TRANK1: variants seen among roughly 807,000 people sequenced by gnomAD.
TRANK1 encodes the protein TPR and ankyrin repeat-containing protein 1.
TRANK1 carries 198 observed loss-of-function variants against 266.0 expected under a neutral mutation model. The ratio of observed to expected loss-of-function variants is 0.74; its 90% CI spans 0.66 to 0.84. TRANK1 has a LOEUF of 0.84. Among genes scored for constraint, TRANK1 ranks in the 40% least tolerant of loss-of-function variants. The pLI is 0.00. For missense variants in TRANK1, 3,326 were observed against 3,634.6 expected, an observed-to-expected ratio of 0.92 and a Z score of 2.18; for synonymous variants, 1,396 against 1,384.1, an observed-to-expected ratio of 1.01 and a Z score of -0.19.
intron 17 of TRANK1, among the ~76,000 whole-genome samples, chr3:36,843,154 T>C (rs765489570): frequency 6.6e-6 from 1 of 152,178 alleles, no homozygotes; most frequent in Non-Finnish European, 1.5e-5. Context: ...TATTCTGTTA[T>C]GGCAGTCAGA....
chr3:36,906,716 C>A (rs190028405), intron 2 of TRANK1, among the ~76,000 whole-genome samples: 30 of 152,300 alleles, frequency 2.0e-4, no homozygotes, highest in Non-Finnish European at 3.7e-4. Flanking sequence ...AGAATACACA[C>A]CGCCACTCAA....
At position 36,861,150 on chromosome 3, in the gene TRANK1, A is replaced by C. The variant is rs1559436378; in HGVS notation, c.1251T>G (p.Pro417=). Residue 417 remains proline (P), a synonymous_variant, in exon 11 of 24, where the codon CCT becomes CCG. Transcript: ENST00000645898. ...CTTGATTAATATCACAGACCAGGTC[A>C]GGAGGAATTTCTTTCAAAAATAAGA... ...RLLSTLQEIP[P]DLVCDINQDC... The C allele has an allele frequency of 3.3e-6, 5 of 1,536,316 alleles. No individual in the cohort carries two copies. Among genetic ancestry groups the C allele is most frequent in the Non-Finnish European group, 4.4e-6 (5 of 1,146,254 alleles).
intron 8 of TRANK1, among the ~76,000 whole-genome samples, chr3:36,889,046 A>G (rs2079648768): frequency 1.3e-5 from 2 of 152,018 alleles, no homozygotes; most frequent in South Asian, 4.1e-4. Flanking sequence ...ACTCCATCTC[A>G]AAAAAAATCC....
Position 36,856,546 on chromosome 3 carries a change from T to C in TRANK1, c.3176A>G (p.Tyr1059Cys), listed in dbSNP as rs1159192455. 6.2e-7 allele frequency: 1 copy of C among 1,613,882 alleles called. No individual in the cohort carries two copies. Among genetic ancestry groups the C allele is most frequent in the South Asian group, 1.1e-5 (1 of 91,086 alleles). ...EYPFRVGELE[Y>C]AVIDLNPRPL... Reference sequence around the variant, plus strand: ...CCTGGGATTGAGGTCGATCACCGCGTACTCAAGCTCACCCACCCGGAAGGG... The same window carrying C: ...CCTGGGATTGAGGTCGATCACCGCGCACTCAAGCTCACCCACCCGGAAGGG... The change falls in exon 13 of 24, where the codon TAC becomes TGC. Residue 1059 changes from tyrosine (Y) to cysteine (C), a missense_variant. Tyr to Cys is a radical substitution (Grantham distance 194). Transcript: ENST00000645898.
intron 22 of TRANK1, among the ~76,000 whole-genome samples, chr3:36,830,473 A>C (rs920977934): frequency 6.6e-6 from 1 of 152,222 alleles, no homozygotes; most frequent in East Asian, 1.9e-4. Context: ...TGAATGGGTC[A>C]AGAGAACCTT....
chr3:36,842,551 G>T, intron 18 of TRANK1, 71 bp downstream of exon 18: 1 of 1,350,830 alleles, frequency 7.4e-7, no homozygotes, highest in East Asian at 2.3e-5. Context: ...CAAACACCAT[G>T]ATGTGAAACC....
chr3:36,863,906 A>C (rs1343340372), intron 10 of TRANK1, among the ~76,000 whole-genome samples: 1 of 152,176 alleles, frequency 6.6e-6, no homozygotes, highest in Non-Finnish European at 1.5e-5. Flanking sequence ...AATCTTCCCA[A>C]ATTATTTAAA....
chr3:36,866,064 G>GAAAGAAAGAA (rs1553622417), intron 9 of TRANK1, among the ~76,000 whole-genome samples: 2 of 133,320 alleles, frequency 1.5e-5, no homozygotes, highest in African/African-American at 6.5e-5. Context: ...AAGAAAGAAA[G>GAAAGAAAGAA]AAAGAAAGAA....
chr3:36,939,396 C>G (rs905824568), intron 1 of TRANK1, among the ~76,000 whole-genome samples: 2 of 152,092 alleles, frequency 1.3e-5, no homozygotes, highest in Admixed American at 1.3e-4. Flanking sequence ...ATTCACATGA[C>G]TTTGCACAGC....
Position 36,857,541 on chromosome 3 carries a change from C to T in TRANK1, c.2181G>A (p.Ser727=), listed in dbSNP as rs777006922. The stretch of plus-strand genomic sequence containing the variant: ...TGTCCTGCATAAGGCAGTCTCTCAG[C>T]GAGCAGGGCCTGAGAGCTCCAGGCT... The part of the protein sequence containing the change: ...RKEPGALRPC[S]LRDCLMQDIT... Residue 727 remains serine (S), a synonymous_variant, in exon 13 of 24, where the codon TCG becomes TCA. Transcript: ENST00000645898. The surrounding 1 kb of genome is among the most constrained non-coding windows in gnomAD (Gnocchi z 4.3). 97 of 1,613,920 alleles carry T rather than the reference C, an allele frequency of 6.0e-5. No individual in the cohort carries two copies. The highest frequency in any genetic ancestry group is 7.8e-5 in the Non-Finnish European group (92 of 1,179,906).
chr3:36,844,298 G>A lies in TRANK1; in HGVS notation c.5192-1588C>T, dbSNP rs556884545. Among the ~76,000 whole-genome samples the A allele has an allele frequency of 4.4e-3, 668 of 152,126 alleles. 1 individual carries two copies. The highest frequency in any genetic ancestry group is 0.035 in the South Asian group (167 of 4,818). The stretch of plus-strand genomic sequence containing the variant: ...CTGGAGTGCAGTGGCACAATCTTGG[G>A]TTACTGCAACCTCCACCTCCCAGGT... On this transcript the variant is annotated intron_variant, in intron 17 of 23. Coordinates refer to ENST00000645898, the MANE Select transcript of TRANK1 (RefSeq NM_001329998.2).
At chr3:36,893,689 A>G (rs2079744338) in intron 5 of TRANK1, among the ~76,000 whole-genome samples, 1 of 152,210 alleles carries the variant, frequency 6.6e-6, no homozygotes, top group African/African-American at 2.4e-5. Flanking sequence ...CTCACAGCAC[A>G]TCTTGAGAAG....
Position 36,826,861 on chromosome 3 carries a change from C to A in TRANK1, c.*1414G>T, listed in dbSNP as rs1183545434. The A allele has an allele frequency of 6.6e-6, 1 of 151,568 alleles. No individual in the cohort carries two copies. The highest frequency in any genetic ancestry group is 1.5e-5 in the Non-Finnish European group (1 of 67,934). 9.4% of individuals were successfully genotyped at this position (151,568 alleles called of 1,614,324 possible). On this transcript the variant is annotated 3_prime_UTR_variant, in exon 24 of 24. Coordinates refer to ENST00000645898, the MANE Select transcript of TRANK1 (RefSeq NM_001329998.2). Reference sequence around the variant, plus strand: ...CTTTATAAAAAATGTGATAATACAGCAAGATATTGTTGGGGTTTTCTTTTT... The same window carrying A: ...CTTTATAAAAAATGTGATAATACAGAAAGATATTGTTGGGGTTTTCTTTTT...
intron 7 of TRANK1, among the ~76,000 whole-genome samples, chr3:36,891,532 C>G (rs6783176): frequency 0.32 from 48,792 of 152,070 alleles, 8,684 homozygotes; most frequent in East Asian, 0.56. Context: ...TGGCACTAAA[C>G]TGCTATGGGT....
At position 36,827,810 on chromosome 3, in the gene TRANK1, C is replaced by T. The variant is rs1410167462; in HGVS notation, c.*465G>A. 1 of 155,394 alleles carries T rather than the reference C, an allele frequency of 6.4e-6. No individual in the cohort carries two copies. The highest frequency in any genetic ancestry group is 1.4e-5 in the Non-Finnish European group (1 of 69,898). 9.6% of individuals were successfully genotyped at this position (155,394 alleles called of 1,614,324 possible). ...GGCAGGGCCCACCCCTGGGCACATA[C>T]AGCTCTCATAGCACACTTGATGCTG... On this transcript the variant is annotated 3_prime_UTR_variant, in exon 24 of 24. Transcript: ENST00000645898.
At chr3:36,898,524 A>C (rs2079826865) in intron 4 of TRANK1, among the ~76,000 whole-genome samples, 1 of 152,098 alleles carries the variant, frequency 6.6e-6, no homozygotes, top group Non-Finnish European at 1.5e-5. Context: ...ATAAATACGG[A>C]AACCCCTATG....
At chr3:36,899,532 C>T (rs974074327) in intron 3 of TRANK1, among the ~76,000 whole-genome samples, 1 of 152,110 alleles carries the variant, frequency 6.6e-6, no homozygotes, top group Admixed American at 6.5e-5. Context: ...GTGGCACATA[C>T]CTTGTAGTCC....
At chr3:36,909,134 C>G (rs969964004) in intron 1 of TRANK1, among the ~76,000 whole-genome samples, 18 of 152,152 alleles carry the variant, frequency 1.2e-4, no homozygotes, top group African/African-American at 3.9e-4. Flanking sequence ...AATATTTGTC[C>G]CTGAGACAGC....
Position 36,857,046 on chromosome 3 carries a change from C to T in TRANK1, c.2676G>A (p.Lys892=). 1 of 1,614,016 alleles carries T rather than the reference C, an allele frequency of 6.2e-7. No individual in the cohort carries two copies. The highest frequency in any genetic ancestry group is 8.5e-7 in the Non-Finnish European group (1 of 1,179,880). ...AGAGCATCCGGGCTCCTTTGTCCAG[C>T]TTAGCTTCGAAGAGCTGGATGCTTC... The part of the protein sequence containing the change: ...LKGSIQLFEA[K]LDKGARMLWE... The change falls in exon 13 of 24, where the codon AAG becomes AAA. Residue 892 remains lysine, a synonymous_variant. Transcript: ENST00000645898. The surrounding 1 kb of genome is among the most constrained non-coding windows in gnomAD (Gnocchi z 4.3).
Sources: allele counts gnomAD v4.1 joint callset (sites outside exome capture counted in the v4.1 genomes callset), GRCh38; gene constraint gnomAD v4.1.1; non-coding constraint Gnocchi (gnomAD v3.1); transcripts MANE v1.5; gene names NCBI Gene and HGNC (gene_info 2026-07-23, HGNC 2026-07-21).